Variants in CASKIN1 observed in about 807,000 individuals in gnomAD.
CASKIN1 encodes the protein CASK interacting protein 1.
In CASKIN1, 42 loss-of-function variants were observed where a neutral mutation model predicts 117.5. The observed-to-expected ratio is 0.36, with a 90% CI of 0.28 to 0.46. The LOEUF (loss-of-function observed/expected upper bound fraction) is 0.46, where lower values mean the gene tolerates loss of function less well. Ranked by LOEUF, CASKIN1 falls within the 20% of genes least tolerant of loss-of-function variation. CASKIN1 has a pLI of 1.00. For synonymous variants in CASKIN1, 1,148 were observed against 961.7 expected, an observed-to-expected ratio of 1.19 and a Z score of -3.59; for missense variants, 2,083 against 2,077.3, an observed-to-expected ratio of 1.00 and a Z score of -0.05.
chr16:2,184,006 G>A (rs956185855), intron 14 of CASKIN1, 65 bp from the exon 15 acceptor site: 18 of 1,110,778 alleles, frequency 1.6e-5, no homozygotes, highest in South Asian at 1.2e-4. Flanking sequence ...CCACAGTGCC[G>A]CCTCCTCTGC....
chr16:2,179,934 G>A lies in CASKIN1; in HGVS notation c.3434C>T (p.Ser1145Phe). ...CTTGGGCCTGCGCTTGACCGTGTCAGACTCGGTCAGGATGAACTTGACGTT... is the reference window on the plus strand; with the variant it reads ...CTTGGGCCTGCGCTTGACCGTGTCAAACTCGGTCAGGATGAACTTGACGTT... ...QENVKFILTESDTVKRRPKAK... is the reference protein window; with the variant it reads ...QENVKFILTEFDTVKRRPKAK... Residue 1145 changes from serine (S) to phenylalanine (F), a missense_variant, in exon 18 of 20, where the codon TCT becomes TTT. By Grantham distance (155) the Ser-to-Phe change is radical (BLOSUM62 -2). Transcript: ENST00000343516. The surrounding 1 kb of genome is among the most constrained non-coding windows in gnomAD (Gnocchi z 5.8). The A allele has an allele frequency of 6.2e-7, 1 of 1,606,016 alleles. No homozygotes were observed. The highest frequency in any genetic ancestry group is 8.5e-7 in the Non-Finnish European group (1 of 1,176,856).
chr16:2,178,376 CCCCCGGCCAGGCGGTCCCCGGTGGGCG>C lies in CASKIN1; in HGVS notation c.*147_*173del, dbSNP rs1383378774. 27 of 465,366 alleles carry C rather than the reference CCCCCGGCCAGGCGGTCCCCGGTGGGCG, an allele frequency of 5.8e-5. No homozygotes were observed. The highest frequency in any genetic ancestry group is 7.9e-5 in the Non-Finnish European group (21 of 264,642). 28.8% of individuals were successfully genotyped at this position (465,366 alleles called of 1,614,324 possible). A position where few individuals can be genotyped will look rare whatever the true frequency, so the allele number is the denominator to read the frequency against. On this transcript the variant is annotated 3_prime_UTR_variant, in exon 20 of 20. Transcript: ENST00000343516. Reference sequence around the variant, plus strand: ...CAGGGTCTGCCTAGAGCCCTTGGAGCCCCCGGCCAGGCGGTCCCCGGTGGGCGCCCCGGCCCGGGTCCAGGGGCCGGA... The same window carrying C: ...CAGGGTCTGCCTAGAGCCCTTGGAGCCCCCGGCCCGGGTCCAGGGGCCGGA...
rs1321324758 is a variant in CASKIN1 at position 2,180,984 on chromosome 16, T to C, written c.2384A>G (p.His795Arg). ...CTTGGCCGTAGCTGGGGCTGGACCA[T>C]GAGGTCCCCCAAGGGCCTGGGGAGA... ...PGSPQALGGP[H>R]GPAPATAKVK... The change falls in exon 18 of 20, where the codon CAT becomes CGT. Residue 795 changes from histidine to arginine, a missense_variant. By Grantham distance (29) the His-to-Arg change is conservative. Around this residue, in one of 3 missense-constraint regions of CASKIN1, gnomAD observed 1,818 missense variants for 1,688.9 expected, o/e 1.08. Coordinates refer to ENST00000343516, the MANE Select transcript of CASKIN1 (RefSeq NM_020764.4). 1 of 1,473,932 alleles carries C rather than the reference T, an allele frequency of 6.8e-7. No homozygotes were observed. The highest frequency in any genetic ancestry group is 2.5e-5 in the East Asian group (1 of 39,468). 91.3% of individuals were successfully genotyped at this position (1,473,932 alleles called of 1,614,324 possible).
intron 16 of CASKIN1, 108 bp downstream of exon 16, chr16:2,183,538 C>T: frequency 9.1e-7 from 1 of 1,098,424 alleles, no homozygotes; most frequent in Non-Finnish European, 1.3e-6. Context: ...TCTCCTCTCC[C>T]TCAAGCCCCT....
chr16:2,187,353 A>C lies in CASKIN1; in HGVS notation c.726T>G (p.Asp242Glu). 6.2e-7 allele frequency: 1 copy of C among 1,612,798 alleles called. No homozygotes were observed. Among genetic ancestry groups the C allele is most frequent in the Non-Finnish European group, 8.5e-7 (1 of 1,179,764 alleles). The change falls in exon 7 of 20, where the codon GAT (aspartate) becomes GAG (glutamate). Residue 242 changes from aspartate to glutamate, a missense_variant and splice_region_variant. Asp to Glu is a conservative substitution (Grantham distance 45). This residue lies in a region of CASKIN1 where 203 missense variants were observed against 338.7 expected (regional missense o/e 0.60). Coordinates refer to ENST00000343516, the MANE Select transcript of CASKIN1 (RefSeq NM_020764.4). ...CAGCGCCCCTGGGCCCCACACTCAC[A>C]TCCAGCAGCAGCCGCACCACCTCTG... ...GKTEVVRLLLDSGINAHVRNT... is the reference protein window; with the variant it reads ...GKTEVVRLLLESGINAHVRNT...
At position 2,189,583 on chromosome 16, in the gene CASKIN1, C is replaced by G; in HGVS notation, c.245-19G>C. On this transcript the variant is annotated intron_variant, in intron 3 of 19. Transcript: ENST00000343516. ...CGCATGCCTGGGGGGCGAGGGGATG[C>G]TGGGAGCTGACCCTTGACCCCAAAC... 2 of 1,583,654 alleles carry G rather than the reference C, an allele frequency of 1.3e-6. No individual in the cohort carries two copies. Among genetic ancestry groups the G allele is most frequent in the Non-Finnish European group, 1.7e-6 (2 of 1,168,300 alleles).
At position 2,181,376 on chromosome 16, in the gene CASKIN1, G is replaced by A; in HGVS notation, c.1992C>T (p.Ala664=). 6.2e-7 allele frequency: 1 copy of A among 1,609,362 alleles called. No individual in the cohort carries two copies. The highest frequency in any genetic ancestry group is 8.5e-7 in the Non-Finnish European group (1 of 1,179,062). ...GCCCCACCTCAGCCGGGCCAGTCAT[G>A]GCAGCCTGCAGCTCGTCACTGAGCT... is the stretch of plus-strand genomic sequence containing the variant. ...DSELSDELQA[A]MTGPAEVGPT... is the part of the protein sequence containing the mutation. Residue 664 remains alanine, a synonymous_variant, in exon 18 of 20, where the codon GCC becomes GCT. Coordinates refer to ENST00000343516, the MANE Select transcript of CASKIN1 (RefSeq NM_020764.4).
rs1265009279 is a variant in CASKIN1 at position 2,179,020 on chromosome 16, C to CGGGCGGGGCGGG, written c.4069_4080dup (p.Pro1357_Pro1360dup). 2 of 1,166,728 alleles carry CGGGCGGGGCGGG rather than the reference C, an allele frequency of 1.7e-6. No homozygotes were observed. The highest frequency in any genetic ancestry group is 3.8e-5 in the East Asian group (1 of 26,250). The allele number at this position is 1,166,728 out of a possible 1,614,324, so 72.3% of individuals were successfully genotyped here. On this transcript the variant is annotated inframe_insertion, in exon 19 of 20. Transcript: ENST00000343516. This position sits in a 1 kb window ranked among gnomAD's most constrained non-coding sequence, Gnocchi z 5.8. The stretch of plus-strand genomic sequence containing the variant: ...GCGCTGTCCCCTGGCGAGGCGCCTT[C>CGGGCGGGGCGGG]GGGCGGGGCGGGGGGCGCGGCGGCG...
chr16:2,182,113 G>A lies in CASKIN1; in HGVS notation c.1630-184C>T, dbSNP rs2093170117. On this transcript the variant is annotated intron_variant, in intron 16 of 19. Coordinates refer to ENST00000343516, the MANE Select transcript of CASKIN1 (RefSeq NM_020764.4). The surrounding 1 kb of genome is among the most constrained non-coding windows in gnomAD (Gnocchi z 4.1). Reference sequence around the variant, plus strand: ...AGCCTCGGCTCAGGCACCGGACACTGCATGCCGCATATCGCACACATGCGC... The same window carrying A: ...AGCCTCGGCTCAGGCACCGGACACTACATGCCGCATATCGCACACATGCGC... Among the ~76,000 whole-genome samples, 2 of 152,278 alleles carry A rather than the reference G, an allele frequency of 1.3e-5. No homozygotes were observed. Among genetic ancestry groups the A allele is most frequent in the South Asian group, 2.1e-4 (1 of 4,830 alleles).
chr16:2,179,542 G>T lies in CASKIN1; in HGVS notation c.3775+51C>A. ...GAAAACCCCTCAGACCACCGAGTAA[G>T]GAGGTGGAGCAGGGTCCTGTTGCCC... On this transcript the variant is annotated intron_variant, in intron 18 of 19. Coordinates refer to ENST00000343516, the MANE Select transcript of CASKIN1 (RefSeq NM_020764.4). This position sits in a 1 kb window ranked among gnomAD's most constrained non-coding sequence, Gnocchi z 5.8. 7.1e-7 allele frequency: 1 copy of T among 1,406,908 alleles called. No homozygotes were observed. The highest frequency in any genetic ancestry group is 9.3e-7 in the Non-Finnish European group (1 of 1,080,708). The allele number at this position is 1,406,908 out of a possible 1,614,324, so 87.2% of individuals were successfully genotyped here.
In CASKIN1 at chr16:2,185,288, C is replaced by T. The variant is rs2093180683; in HGVS notation, c.1150+19G>A. 1 of 1,594,838 alleles carries T rather than the reference C, an allele frequency of 6.3e-7. No individual in the cohort carries two copies. Among genetic ancestry groups the T allele is most frequent in the African/African-American group, 1.3e-5 (1 of 74,720 alleles). On this transcript the variant is annotated intron_variant, in intron 11 of 19. Transcript: ENST00000343516. ...TTGTGGAAGTCCTGCCACCTCTGCC[C>T]TTCAGGGACCCAGCCTACCTGCAAA...
chr16:2,188,827 C>T (rs572439884), intron 6 of CASKIN1, 200 bp downstream of exon 6: 24 of 689,132 alleles, frequency 3.5e-5, no homozygotes, highest in Admixed American at 1.6e-4. Context: ...GGGACAGAGA[C>T]GTCGCAGAAG....
At chr16:2,188,949 A>G in intron 6 of CASKIN1, 78 bp downstream of exon 6, 1 of 1,534,786 alleles carries the variant, frequency 6.5e-7, no homozygotes, top group Non-Finnish European at 8.8e-7. Context: ...CCAAGCCAGA[A>G]GCTGGTGCCC....
In CASKIN1 at chr16:2,179,658, G is replaced by T. The variant is rs867119062; in HGVS notation, c.3710C>A (p.Pro1237His). Residue 1237 changes from proline to histidine, a missense_variant, in exon 18 of 20, where the codon CCC (proline) becomes CAC (histidine). By Grantham distance (77) the Pro-to-His change is moderately conservative. Transcript: ENST00000343516. The surrounding 1 kb of genome is among the most constrained non-coding windows in gnomAD (Gnocchi z 5.8). ...GGGTGTGGGCGAGCCCTGGAGCTTGGGCACAGGCTGCGTCAGGACGGGCTT... is the reference window on the plus strand; with the variant it reads ...GGGTGTGGGCGAGCCCTGGAGCTTGTGCACAGGCTGCGTCAGGACGGGCTT... ...SPKPVLTQPV[P>H]KLQGSPTPTS... 6.6e-7 allele frequency: 1 copy of T among 1,508,088 alleles called. No individual in the cohort carries two copies. Among genetic ancestry groups the T allele is most frequent in the Admixed American group, 2.3e-5 (1 of 42,830 alleles). The allele number at this position is 1,508,088 out of a possible 1,614,324, so 93.4% of individuals were successfully genotyped here. A position where few individuals can be genotyped will look rare whatever the true frequency, so the allele number is the denominator to read the frequency against.
At position 2,189,106 on chromosome 16, in the gene CASKIN1, G is replaced by A. The variant is rs1192919208; in HGVS notation, c.538C>T (p.Arg180Trp). Residue 180 changes from arginine (R) to tryptophan (W), a missense_variant, in exon 6 of 20, where the codon CGG (arginine) becomes TGG (tryptophan). Around this residue, in one of 3 missense-constraint regions of CASKIN1, gnomAD observed 203 missense variants for 338.7 expected, o/e 0.60. Transcript: ENST00000343516. Reference protein sequence around the residue: ...SNMCAALLEPRPGDATDPNGT... With the variant: ...SNMCAALLEPWPGDATDPNGT... Reference sequence around the variant, plus strand: ...TTGGGGTCGGTGGCGTCTCCCGGCCGGGGCTCCAGCAGCGCCGCACACATA... The same window carrying A: ...TTGGGGTCGGTGGCGTCTCCCGGCCAGGGCTCCAGCAGCGCCGCACACATA... 4.3e-6 allele frequency: 7 copies of A among 1,613,472 alleles called. No individual in the cohort carries two copies. Among genetic ancestry groups the A allele is most frequent in the Admixed American group, 1.7e-5 (1 of 59,996 alleles).
In CASKIN1 at chr16:2,185,354, G is replaced by A; in HGVS notation, c.1103C>T (p.Pro368Leu). The change falls in exon 11 of 20, where the codon CCC (proline) becomes CTC (leucine). Residue 368 changes from proline (P) to leucine (L), a missense_variant. Physicochemically the swap from Pro to Leu is moderately conservative, Grantham distance 98. Around this residue, in one of 3 missense-constraint regions of CASKIN1, gnomAD observed 1,818 missense variants for 1,688.9 expected, o/e 1.08. Transcript: ENST00000343516. ...CCAGATCTCCTCTGGGGGTGCAGAG[G>A]GTCCCGATGAGCTGCTTCCCTGGGG... Reference protein sequence around the residue: ...SLPQGSSSSGPSAPPEEIWVL... With the variant: ...SLPQGSSSSGLSAPPEEIWVL... 1.2e-6 allele frequency: 2 copies of A among 1,611,380 alleles called. No individual in the cohort carries two copies. The highest frequency in any genetic ancestry group is 4.5e-5 in the East Asian group (2 of 44,848).
chr16:2,179,036 CGCGGCGGCGGCG>C lies in CASKIN1; in HGVS notation c.4053_4064del (p.Ala1352_Ala1355del), dbSNP rs553373927. The C allele has an allele frequency of 8.3e-4, 924 of 1,116,478 alleles. 1 individual carries two copies. The highest frequency in any genetic ancestry group is 3.9e-3 in the Middle Eastern group (10 of 2,582). 69.2% of individuals were successfully genotyped at this position (1,116,478 alleles called of 1,614,324 possible). On this transcript the variant is annotated inframe_deletion, in exon 19 of 20. Transcript: ENST00000343516. The surrounding 1 kb of genome is among the most constrained non-coding windows in gnomAD (Gnocchi z 5.8). Reference sequence around the variant, plus strand: ...AGGCGCCTTCGGGCGGGGCGGGGGGCGCGGCGGCGGCGGCGGCGGCGGCGGCGGCGGCTCGCG... The same window carrying C: ...AGGCGCCTTCGGGCGGGGCGGGGGGCGCGGCGGCGGCGGCGGCGGCTCGCG...
In CASKIN1 at chr16:2,180,364, TCACACTGCCGGCACTACCCGTGTC is replaced by T. The variant is rs2093163214; in HGVS notation, c.2980_3003del (p.Asp994_Val1001del). The stretch of plus-strand genomic sequence containing the variant: ...AGCTCCAGCATGGCCGCGATGCTCT[TCACACTGCCGGCACTACCCGTGTC>T]CACGCTGCCGGCCAGGTCACTGGCC... On this transcript the variant is annotated inframe_deletion, in exon 18 of 20. Transcript: ENST00000343516. The T allele has an allele frequency of 3.8e-6, 6 of 1,595,318 alleles. No homozygotes were observed. Among genetic ancestry groups the T allele is most frequent in the Non-Finnish European group, 4.2e-6 (5 of 1,177,330 alleles).
Position 2,181,365 on chromosome 16 carries a change from G to A in CASKIN1, c.2003C>T (p.Pro668Leu), listed in dbSNP as rs753809009. 15 of 1,607,830 alleles carry A rather than the reference G, an allele frequency of 9.3e-6. No homozygotes were observed. The highest frequency in any genetic ancestry group is 4.5e-5 in the East Asian group (2 of 44,748). The change falls in exon 18 of 20, where the codon CCG becomes CTG. Residue 668 changes from proline to leucine, a missense_variant. Physicochemically the swap from Pro to Leu is moderately conservative, Grantham distance 98. Transcript: ENST00000343516. ...SDELQAAMTGPAEVGPTTEKP... is the reference protein window; with the variant it reads ...SDELQAAMTGLAEVGPTTEKP... ...CTCAGTGGTGGGCCCCACCTCAGCC[G>A]GGCCAGTCATGGCAGCCTGCAGCTC...
Sources: allele counts gnomAD v4.1 joint callset (sites outside exome capture counted in the v4.1 genomes callset), GRCh38; gene constraint gnomAD v4.1.1; regional missense constraint gnomAD v4.1.1; non-coding constraint Gnocchi (gnomAD v3.1); transcripts MANE v1.5; gene names NCBI Gene and HGNC (gene_info 2026-07-23, HGNC 2026-07-21).